PACSIN1: variants seen among roughly 807,000 people sequenced by gnomAD.
PACSIN1 encodes the protein protein kinase C and casein kinase substrate in neurons 1, also known as protein kinase C and casein kinase substrate in neurons protein 1.
PACSIN1 carries 15 observed loss-of-function variants against 59.5 expected under a neutral mutation model. The observed-to-expected ratio is 0.25, with a 90% CI of 0.17 to 0.39. The LOEUF is 0.39. PACSIN1 is among the 10% of genes least tolerant of loss of function. The probability of loss-of-function intolerance (pLI) is 1.00; values close to 1 mark genes in which losing one functional copy is unlikely to be tolerated. For missense variants in PACSIN1, 420 were observed against 580.2 expected (o/e 0.72, Z 2.84); for synonymous variants, 210 against 220.6 (o/e 0.95, Z 0.42).
intron 1 of PACSIN1, among the ~76,000 whole-genome samples, chr6:34,505,606 CT>C (rs1017138516): frequency 1.7e-4 from 18 of 103,368 alleles, no homozygotes; most frequent in East Asian, 8.6e-4. Flanking sequence ...AGTTCAATTA[CT>C]TTTTTTTATC....
At chr6:34,485,267 T>C (rs1056979666) in intron 1 of PACSIN1, 12 of 152,148 alleles carry the variant, frequency 7.9e-5, no homozygotes, top group Admixed American at 3.9e-4. Context: ...GTATCAACTT[T>C]AGTGACATTA....
chr6:34,487,045 C>T (rs1766805047), intron 1 of PACSIN1, among the ~76,000 whole-genome samples: 1 of 151,510 alleles, frequency 6.6e-6, no homozygotes, highest in Non-Finnish European at 1.5e-5. Flanking sequence ...TCGTGCATGC[C>T]TGTAATCCCA....
Position 34,492,195 on chromosome 6 carries a change from CTTTTTTTTTTTTTTTT to C in PACSIN1, c.-64+25934_-64+25949del, listed in dbSNP as rs55745060. Among the ~76,000 whole-genome samples the C allele has an allele frequency of 7.9e-3, 630 of 80,214 alleles. 3 individuals are homozygous for C. Among genetic ancestry groups the C allele is most frequent in the Middle Eastern group, 0.07 (6 of 86 alleles). 52.6% of individuals were successfully genotyped at this position (80,214 alleles called of 152,430 possible). On this transcript the variant is annotated intron_variant, in intron 1 of 9. Transcript: ENST00000244458. The stretch of plus-strand genomic sequence containing the variant: ...TTGCCTGCATCTGTTCTTTTTTGAC[CTTTTTTTTTTTTTTTT>C]TTTTTTTTGAGGCAAAATCTCACTC...
At chr6:34,506,302 C>T (rs1014542461) in intron 1 of PACSIN1, among the ~76,000 whole-genome samples, 10 of 152,286 alleles carry the variant, frequency 6.6e-5, no homozygotes, top group East Asian at 3.9e-4. Flanking sequence ...ATTGCTGCCT[C>T]GACCTACTGG....
chr6:34,470,735 A>C (rs932679479), intron 1 of PACSIN1, among the ~76,000 whole-genome samples: 2 of 152,026 alleles, frequency 1.3e-5, no homozygotes, highest in African/African-American at 4.8e-5. Context: ...CTTGATATTA[A>C]AATGCTGGGT....
At position 34,529,944 on chromosome 6, in the gene PACSIN1, G is replaced by A; in HGVS notation, c.788+103G>A. 7.6e-7 allele frequency: 1 copy of A among 1,317,672 alleles called. No individual in the cohort carries two copies. Among genetic ancestry groups the A allele is most frequent in the South Asian group, 1.4e-5 (1 of 72,292 alleles). The allele number at this position is 1,317,672 out of a possible 1,614,324, so 81.6% of individuals were successfully genotyped here. ...CTCCATCACAGTGACGGGAAGGGGAGGCAGAGCTGCAGGGGTCAAGAAGGA... is the reference window on the plus strand; with the variant it reads ...CTCCATCACAGTGACGGGAAGGGGAAGCAGAGCTGCAGGGGTCAAGAAGGA... On this transcript the variant is annotated intron_variant, in intron 6 of 9. Transcript: ENST00000244458. This position sits in a 1 kb window ranked among gnomAD's most constrained non-coding sequence, Gnocchi z 6.3.
chr6:34,480,821 C>T (rs1184593396), intron 1 of PACSIN1, among the ~76,000 whole-genome samples: 2 of 152,074 alleles, frequency 1.3e-5, no homozygotes, highest in African/African-American at 2.4e-5. Context: ...CTCCAGAGTG[C>T]TTGTACCAAA....
chr6:34,509,567 G>A (rs1012817121), intron 1 of PACSIN1, among the ~76,000 whole-genome samples: 2 of 150,296 alleles, frequency 1.3e-5, no homozygotes, highest in East Asian at 1.9e-4. Flanking sequence ...TGGTTCCTAT[G>A]ATTTTAAGAT....
intron 1 of PACSIN1, among the ~76,000 whole-genome samples, chr6:34,509,936 T>C (rs1767173183): frequency 6.6e-6 from 1 of 152,258 alleles, no homozygotes; most frequent in African/African-American, 2.4e-5. Flanking sequence ...GCTTGATGTC[T>C]TGAGATTTAT....
At chr6:34,493,376 A>G (rs1405879609) in intron 1 of PACSIN1, among the ~76,000 whole-genome samples, 3 of 152,188 alleles carry the variant, frequency 2.0e-5, no homozygotes, top group African/African-American at 7.2e-5. Context: ...GCAAGCATTC[A>G]TGTGCGTGTC....
chr6:34,486,487 T>C (rs1192300731), intron 1 of PACSIN1, among the ~76,000 whole-genome samples: 1 of 152,156 alleles, frequency 6.6e-6, no homozygotes, highest in East Asian at 1.9e-4. Context: ...AACTACATCC[T>C]GCCCCTCCCG....
chr6:34,514,667 G>C lies in PACSIN1; in HGVS notation c.-63-11576G>C, dbSNP rs762335779. Among the ~76,000 whole-genome samples, 1 of 152,162 alleles carries C rather than the reference G, an allele frequency of 6.6e-6. No individual in the cohort carries two copies. Among genetic ancestry groups the C allele is most frequent in the Non-Finnish European group, 1.5e-5 (1 of 68,026 alleles). On this transcript the variant is annotated intron_variant, in intron 1 of 9. Coordinates refer to ENST00000244458, the MANE Select transcript of PACSIN1 (RefSeq NM_020804.5). The surrounding 1 kb of genome is among the most constrained non-coding windows in gnomAD (Gnocchi z 4.4). Reference sequence around the variant, plus strand: ...TGTCCCCACCAGCGTCTCTGTGGCCGTGAAGTGTATGCATGCGTGCCCATG... The same window carrying C: ...TGTCCCCACCAGCGTCTCTGTGGCCCTGAAGTGTATGCATGCGTGCCCATG...
chr6:34,519,515 G>A (rs945904001), intron 1 of PACSIN1, among the ~76,000 whole-genome samples: 1 of 152,136 alleles, frequency 6.6e-6, no homozygotes, highest in Admixed American at 6.5e-5. Context: ...TCCCAGGTGA[G>A]GCCCAACAGT....
intron 1 of PACSIN1, among the ~76,000 whole-genome samples, chr6:34,499,608 A>G (rs1316947778): frequency 2.6e-5 from 4 of 152,092 alleles, no homozygotes; most frequent in African/African-American, 7.2e-5. Context: ...AGCCTGGCCA[A>G]CATGGTGAAA....
At chr6:34,492,064 A>G (rs1766885528) in intron 1 of PACSIN1, among the ~76,000 whole-genome samples, 2 of 152,124 alleles carry the variant, frequency 1.3e-5, no homozygotes, top group Non-Finnish European at 2.9e-5. Flanking sequence ...TCAAATGGCA[A>G]TTCTGTTTTC....
rs1766675749 is a variant in PACSIN1, at chr6:34,478,705, G to A, written c.-64+12435G>A. ...ATTTTTAAAGAAATGAGTTGGTGCT[G>A]TAGCAACCTCCAATGGTGACCAGTG... On this transcript the variant is annotated intron_variant, in intron 1 of 9. Transcript: ENST00000244458. Among the ~76,000 whole-genome samples the A allele has an allele frequency of 2.6e-5, 4 of 152,210 alleles. No individual in the cohort carries two copies. The South Asian group carries it at 8.3e-4, about 32-fold the overall frequency.
chr6:34,470,205 C>T (rs552495706), intron 1 of PACSIN1, among the ~76,000 whole-genome samples: 83 of 151,886 alleles, frequency 5.5e-4, no homozygotes, highest in Middle Eastern at 3.4e-3. Context: ...ATTTTTGAGA[C>T]GGAGTCTCAC....
intron 1 of PACSIN1, among the ~76,000 whole-genome samples, chr6:34,510,686 C>G (rs1177536774): frequency 6.6e-6 from 1 of 152,152 alleles, no homozygotes; most frequent in African/African-American, 2.4e-5. Flanking sequence ...ATGTTCCTGC[C>G]TCATACTCTC....
intron 1 of PACSIN1, among the ~76,000 whole-genome samples, chr6:34,479,982 C>A (rs1415283446): frequency 6.6e-6 from 1 of 151,944 alleles, no homozygotes; most frequent in African/African-American, 2.4e-5. Context: ...TATGCCACCA[C>A]ACCCAGCTAA....
Sources: gnomAD v4.1 joint callset for allele counts (sites outside exome capture counted in the v4.1 genomes callset) on GRCh38, gnomAD v4.1.1 for gene constraint, Gnocchi (gnomAD v3.1) non-coding constraint, MANE v1.5 for transcripts, NCBI Gene and HGNC (gene_info 2026-07-23, HGNC 2026-07-21) for gene names.